Variants in PIEZO2 observed in about 807,000 individuals in gnomAD.
The protein encoded by PIEZO2 is piezo-type mechanosensitive ion channel component 2.
A neutral mutation model predicts 337.3 loss-of-function variants in PIEZO2; 172 were observed. That is an observed-to-expected ratio of 0.51 (90% CI 0.45 to 0.58). The LOEUF is 0.58. PIEZO2 is among the 20% of genes least tolerant of loss of function. PIEZO2 has a pLI of 0.00. For missense variants in PIEZO2, 3,028 were observed against 3,391.3 expected (o/e 0.89, Z 2.66); for synonymous variants, 1,251 against 1,228.5 (o/e 1.02, Z -0.38).
In PIEZO2 at chr18:10,813,530, G is replaced by A. The variant is rs148850430; in HGVS notation, c.918-6256C>T. On this transcript the variant is annotated intron_variant, in intron 7 of 55. Coordinates refer to ENST00000674853, the MANE Select transcript of PIEZO2 (RefSeq NM_001378183.1). This position sits in a 1 kb window ranked among gnomAD's most constrained non-coding sequence, Gnocchi z 4.2. ...GTCTTTTGTGACTGTCTTATTTTACGTAGCATGATGGCCTCAAGGTTCATT... is the reference window on the plus strand; with the variant it reads ...GTCTTTTGTGACTGTCTTATTTTACATAGCATGATGGCCTCAAGGTTCATT... Among the ~76,000 whole-genome samples the A allele has an allele frequency of 3.5e-4, 54 of 152,168 alleles. No individual in the cohort carries two copies. In the East Asian group the frequency reaches 4.7e-3, roughly 13 times the overall value.
chr18:10,685,921 A>T (rs922414560), intron 49 of PIEZO2, among the ~76,000 whole-genome samples: 1 of 151,904 alleles, frequency 6.6e-6, no homozygotes, highest in East Asian at 1.9e-4. Flanking sequence ...TTTCTGCAGG[A>T]TGGTGATGGC....
rs1331626471 is a variant in PIEZO2 at position 10,940,136 on chromosome 18, G to A, written c.287-28908C>T. Among the ~76,000 whole-genome samples, 1 of 152,144 alleles carries A rather than the reference G, an allele frequency of 6.6e-6. No homozygotes were observed. The highest frequency in any genetic ancestry group is 1.5e-5 in the Non-Finnish European group (1 of 68,038). Reference sequence around the variant, plus strand: ...TTCCTACAAAAAAACACACTTCAGAGGAGGCTTTGGCCATCTTTGATTAGC... The same window carrying A: ...TTCCTACAAAAAAACACACTTCAGAAGAGGCTTTGGCCATCTTTGATTAGC... On this transcript the variant is annotated intron_variant, in intron 3 of 55. Coordinates refer to ENST00000674853, the MANE Select transcript of PIEZO2 (RefSeq NM_001378183.1). This position sits in a 1 kb window ranked among gnomAD's most constrained non-coding sequence, Gnocchi z 5.3.
chr18:10,760,978 A>C lies in PIEZO2; in HGVS notation c.3383T>G (p.Leu1128Arg). 6.5e-7 allele frequency: 1 copy of C among 1,534,892 alleles called. No individual in the cohort carries two copies. The highest frequency in any genetic ancestry group is 2.4e-5 in the East Asian group (1 of 40,910). The part of the protein sequence containing the change: ...TIFHDITRLH[L>R]DDGLINCAKY... Reference sequence around the variant, plus strand: ...GGCACAATTAATAAGTCCATCATCTAGATGTAGTCTTGTAATGTCATGAAA... The same window carrying C: ...GGCACAATTAATAAGTCCATCATCTCGATGTAGTCTTGTAATGTCATGAAA... Residue 1128 changes from leucine (L) to arginine (R), a missense_variant, in exon 24 of 56, where the codon CTA becomes CGA. Physicochemically the swap from Leu to Arg is moderately radical, Grantham distance 102 (BLOSUM62 -2). Transcript: ENST00000674853.
chr18:10,889,558 T>C (rs2042699202), intron 4 of PIEZO2, among the ~76,000 whole-genome samples: 1 of 152,172 alleles, frequency 6.6e-6, no homozygotes, highest in Non-Finnish European at 1.5e-5. Context: ...ACCTCATAGG[T>C]GCTGGGTTGT....
intron 33 of PIEZO2, chr18:10,738,506 T>C (rs1490254249): frequency 6.6e-6 from 1 of 152,158 alleles, no homozygotes; most frequent in Non-Finnish European, 1.5e-5. Flanking sequence ...AGTCTCTTAT[T>C]TCCTTATAAA....
intron 13 of PIEZO2, among the ~76,000 whole-genome samples, chr18:10,792,373 C>A (rs2039435705): frequency 6.6e-6 from 1 of 152,222 alleles, no homozygotes; most frequent in Admixed American, 6.5e-5. Flanking sequence ...ACCATCACTG[C>A]AATCCATTTT....
rs1225909086 is a variant in PIEZO2 at position 10,830,299 on chromosome 18, A to T, written c.918-23025T>A. 6.6e-6 allele frequency among the ~76,000 whole-genome samples: 1 copy of T among 152,254 alleles called. No homozygotes were observed. The highest frequency in any genetic ancestry group is 1.5e-5 in the Non-Finnish European group (1 of 68,036). On this transcript the variant is annotated intron_variant, in intron 7 of 55. Transcript: ENST00000674853. This position sits in a 1 kb window ranked among gnomAD's most constrained non-coding sequence, Gnocchi z 4.7. ...CACACACAACAATAAATCAAAATGA[A>T]TTAAAGACTTAAAGACCTCAAACTG...
At chr18:10,755,854 G>A (rs1459994046) in intron 27 of PIEZO2, among the ~76,000 whole-genome samples, 1 of 152,014 alleles carries the variant, frequency 6.6e-6, no homozygotes, top group African/African-American at 2.4e-5. Flanking sequence ...TGGGAGATGA[G>A]GAAGACGAAT....
chr18:11,068,561 C>T (rs2038231394), intron 1 of PIEZO2, among the ~76,000 whole-genome samples: 1 of 151,670 alleles, frequency 6.6e-6, no homozygotes, highest in South Asian at 2.1e-4. Context: ...AAGCTTATAG[C>T]AATAAATGCT....
At position 11,017,457 on chromosome 18, in the gene PIEZO2, CT is replaced by C. The variant is rs374244015; in HGVS notation, c.161-37798del. ...ACAATCTTTATGAAAGCATGAATGC[CT>C]TTTTTTTTTGAGATGCAGTTTTGCT... On this transcript the variant is annotated intron_variant, in intron 2 of 55. Coordinates refer to ENST00000674853, the MANE Select transcript of PIEZO2 (RefSeq NM_001378183.1). Among the ~76,000 whole-genome samples the C allele has an allele frequency of 2.1e-3, 301 of 141,392 alleles. 1 individual carries two copies. The highest frequency in any genetic ancestry group is 7.8e-3 in the East Asian group (38 of 4,858). 92.8% of individuals were successfully genotyped at this position (141,392 alleles called of 152,430 possible).
chr18:11,090,522 T>C (rs1482139833), intron 1 of PIEZO2, among the ~76,000 whole-genome samples: 2 of 151,904 alleles, frequency 1.3e-5, no homozygotes, highest in Non-Finnish European at 2.9e-5. Context: ...CCTGAAAGGG[T>C]AGGGGTGGTC....
intron 2 of PIEZO2, among the ~76,000 whole-genome samples, chr18:11,056,628 A>T (rs903017487): frequency 6.6e-6 from 1 of 152,152 alleles, no homozygotes; most frequent in Admixed American, 6.5e-5. Flanking sequence ...AAGCAACTGG[A>T]ACATCAACAA....
In PIEZO2 at chr18:10,672,256, C is replaced by T. The variant is rs1186090230; in HGVS notation, c.8345+434G>A. 2.0e-5 allele frequency among the ~76,000 whole-genome samples: 3 copies of T among 152,050 alleles called. No homozygotes were observed. The highest frequency in any genetic ancestry group is 7.2e-5 in the African/African-American group (3 of 41,386). On this transcript the variant is annotated intron_variant, in intron 55 of 55. Transcript: ENST00000674853. This position sits in a 1 kb window ranked among gnomAD's most constrained non-coding sequence, Gnocchi z 4.7. ...TAACTTTGAGAAATACAATATTTTA[C>T]ATTTGTGTCTTGTGGGGATGTGCGT...
rs897263456 is a variant in PIEZO2 at position 11,105,951 on chromosome 18, T to G, written c.65-39729A>C. 1.3e-5 allele frequency among the ~76,000 whole-genome samples: 2 copies of G among 152,340 alleles called. No homozygotes were observed. The highest frequency in any genetic ancestry group is 4.8e-5 in the African/African-American group (2 of 41,584). The stretch of plus-strand genomic sequence containing the variant: ...CAAGGGTTTCTCTGTTTATTTGAAA[T>G]GTTCAGCTTTCACTTTTTGGCATAG... On this transcript the variant is annotated intron_variant, in intron 1 of 55. Coordinates refer to ENST00000674853, the MANE Select transcript of PIEZO2 (RefSeq NM_001378183.1). This position sits in a 1 kb window ranked among gnomAD's most constrained non-coding sequence, Gnocchi z 4.3.
At position 10,837,574 on chromosome 18, in the gene PIEZO2, C is replaced by A. The variant is rs1446861150; in HGVS notation, c.917+17779G>T. On this transcript the variant is annotated intron_variant, in intron 7 of 55. Coordinates refer to ENST00000674853, the MANE Select transcript of PIEZO2 (RefSeq NM_001378183.1). The surrounding 1 kb of genome is among the most constrained non-coding windows in gnomAD (Gnocchi z 4.4). ...CAATATCTCTTCCCAATCCAAAATT[C>A]TATGGTACAATCTATGTAAGAAAAG... 6.6e-6 allele frequency among the ~76,000 whole-genome samples: 1 copy of A among 152,164 alleles called. No individual in the cohort carries two copies. Among genetic ancestry groups the A allele is most frequent in the African/African-American group, 2.4e-5 (1 of 41,436 alleles).
intron 20 of PIEZO2, among the ~76,000 whole-genome samples, chr18:10,770,724 A>ACCCT (rs1410610567): frequency 4.9e-5 from 2 of 40,642 alleles, no homozygotes; most frequent in African/African-American, 1.8e-4. Flanking sequence ...TTTCCCTCCC[A>ACCCT]CCCTCCCTCC....
chr18:10,826,858 A>G (rs1234340654), intron 7 of PIEZO2, among the ~76,000 whole-genome samples: 1 of 152,154 alleles, frequency 6.6e-6, no homozygotes, highest in Non-Finnish European at 1.5e-5. Context: ...CACCTATTCA[A>G]CCTTCTGCCA....
intron 5 of PIEZO2, among the ~76,000 whole-genome samples, chr18:10,866,288 C>CTTT (rs140860572): frequency 7.2e-6 from 1 of 139,790 alleles, no homozygotes; most frequent in Non-Finnish European, 1.6e-5. Context: ...ATATCCCTGC[C>CTTT]TTTTTTTTTT....
rs1203127478 is a variant in PIEZO2 at position 10,773,579 on chromosome 18, G to C, written c.2618C>G (p.Thr873Ser). The change falls in exon 20 of 56, where the codon ACT becomes AGT. Residue 873 changes from threonine (T) to serine (S), a missense_variant. Thr to Ser is a moderately conservative substitution (Grantham distance 58, BLOSUM62 1). Around this residue, in one of 5 missense-constraint regions of PIEZO2, gnomAD observed 1,925 missense variants for 2,051.9 expected, o/e 0.94. Coordinates refer to ENST00000674853, the MANE Select transcript of PIEZO2 (RefSeq NM_001378183.1). The surrounding 1 kb of genome is among the most constrained non-coding windows in gnomAD (Gnocchi z 5.3). ...CACCTCCGGCTTCTCCAGGCTGGCAGTCAGATGCATCATGGTGAGGTCCGG... is the reference window on the plus strand; with the variant it reads ...CACCTCCGGCTTCTCCAGGCTGGCACTCAGATGCATCATGGTGAGGTCCGG... ...SLPDLTMMHL[T>S]ASLEKPEVRK... The C allele has an allele frequency of 6.5e-7, 1 of 1,537,426 alleles. No individual in the cohort carries two copies. Among genetic ancestry groups the C allele is most frequent in the South Asian group, 1.2e-5 (1 of 84,064 alleles).
Sources: allele counts gnomAD v4.1 joint callset (sites outside exome capture counted in the v4.1 genomes callset), GRCh38; gene constraint gnomAD v4.1.1; regional missense constraint gnomAD v4.1.1; non-coding constraint Gnocchi (gnomAD v3.1); transcripts MANE v1.5; gene names NCBI Gene and HGNC (gene_info 2026-07-23, HGNC 2026-07-21).